The following JAM3 variants were observed in gnomAD, a reference collection of about 807,000 sequenced individuals.
JAM3 encodes the protein junctional adhesion molecule C.
Under a neutral mutation model 39.4 loss-of-function variants are expected in JAM3, and 31 were observed. The ratio of observed to expected loss-of-function variants is 0.79; its 90% CI spans 0.59 to 1.06. The LOEUF is 1.06. Ranked by LOEUF, JAM3 falls within the 50% of genes least tolerant of loss-of-function variation. JAM3 has a pLI of 0.00. For synonymous variants in JAM3, 182 were observed against 148.7 expected (o/e 1.22, Z -1.63); for missense variants, 455 against 391.4 (o/e 1.16, Z -1.37).
In JAM3 at chr11:134,145,006, T is replaced by G; in HGVS notation, c.612+12T>G. 1 of 1,595,582 alleles carries G rather than the reference T, an allele frequency of 6.3e-7. No homozygotes were observed. The highest frequency in any genetic ancestry group is 8.6e-7 in the Non-Finnish European group (1 of 1,163,016). On this transcript the variant is annotated intron_variant, in intron 5 of 8. Coordinates refer to ENST00000299106, the MANE Select transcript of JAM3 (RefSeq NM_032801.5). ...AAACAGGCACTTTGGTAAGATCTCT[T>G]CTAAGAGGTGAGGATGGAGATGTCT... is the stretch of plus-strand genomic sequence containing the variant.
intron 3 of JAM3, among the ~76,000 whole-genome samples, chr11:134,143,252 G>C (rs117678455): frequency 4.6e-5 from 7 of 152,148 alleles, no homozygotes; most frequent in Non-Finnish European, 8.8e-5. Flanking sequence ...ACTTGTTATT[G>C]TCTGACTTGT....
intron 1 of JAM3, among the ~76,000 whole-genome samples, chr11:134,102,634 G>A (rs1394624091): frequency 6.6e-6 from 1 of 152,124 alleles, no homozygotes; most frequent in Non-Finnish European, 1.5e-5. Context: ...TAGACAAATG[G>A]CTAACTAGAG....
intron 2 of JAM3, 52 bp downstream of exon 2, chr11:134,139,968 G>C (rs1293850818): frequency 7.2e-7 from 1 of 1,380,698 alleles, no homozygotes; most frequent in South Asian, 1.2e-5. Context: ...CTGGACATTT[G>C]ATGTCTTGCA....
chr11:134,124,286 C>A, intron 1 of JAM3: 1 of 910,156 alleles, frequency 1.1e-6, no homozygotes, highest in Non-Finnish European at 1.8e-6. Context: ...CAAGAAAACG[C>A]ATGTTCTCAC....
At position 134,076,833 on chromosome 11, in the gene JAM3, C is replaced by CTTTTTTTTTTTTTTTTTTTTTTT. The variant is rs71038556; in HGVS notation, c.76+7694_76+7695insTTTTTTTTTTTTTTTTTTTTTTT. Among the ~76,000 whole-genome samples the CTTTTTTTTTTTTTTTTTTTTTTT allele has an allele frequency of 1.7e-5, 2 of 118,532 alleles. 1 individual carries two copies. The allele number at this position is 118,532 out of a possible 152,430, so 77.8% of individuals were successfully genotyped here. A position where few individuals can be genotyped will look rare whatever the true frequency, so the allele number is the denominator to read the frequency against. On this transcript the variant is annotated intron_variant, in intron 1 of 8. Transcript: ENST00000299106. ...TTTGCAATCTCACTAACATCTATTG[C>CTTTTTTTTTTTTTTTTTTTTTTT]TTTTTTTTTTTTTTTTTTTTGAGAT...
intron 1 of JAM3, among the ~76,000 whole-genome samples, chr11:134,082,606 C>T (rs755974459): frequency 3.9e-5 from 6 of 152,104 alleles, no homozygotes; most frequent in East Asian, 1.9e-4. Context: ...TGTCTGCCGC[C>T]GTGTGAGATA....
chr11:134,121,307 A>G (rs987012591), intron 1 of JAM3, among the ~76,000 whole-genome samples: 6 of 152,384 alleles, frequency 3.9e-5, no homozygotes, highest in African/African-American at 1.2e-4. Context: ...TGTTGTCCAC[A>G]GCTGCTAAAA....
rs757114111 is a variant in JAM3 at position 134,144,849 on chromosome 11, C to G, written c.467C>G (p.Ala156Gly). ...VPKAVPVGKMATLHCQESEGH... is the reference protein window; with the variant it reads ...VPKAVPVGKMGTLHCQESEGH... The stretch of plus-strand genomic sequence containing the variant: ...AAGGCTGTACCAGTAGGCAAGATGG[C>G]AACACTGCACTGCCAGGAGAGTGAG... Residue 156 changes from alanine to glycine, a missense_variant, in exon 5 of 9, where the codon GCA becomes GGA. Transcript: ENST00000299106. 4 of 1,614,208 alleles carry G rather than the reference C, an allele frequency of 2.5e-6. No homozygotes were observed. Among genetic ancestry groups the G allele is most frequent in the Non-Finnish European group, 3.4e-6 (4 of 1,180,042 alleles).
chr11:134,144,311 C>T lies in JAM3; in HGVS notation c.327C>T (p.Asp109=). 2 of 1,614,174 alleles carry T rather than the reference C, an allele frequency of 1.2e-6. No individual in the cohort carries two copies. The highest frequency in any genetic ancestry group is 1.7e-6 in the Non-Finnish European group (2 of 1,180,010). Residue 109 remains aspartate, a synonymous_variant, in exon 4 of 9, where the codon GAC becomes GAT. Coordinates refer to ENST00000299106, the MANE Select transcript of JAM3 (RefSeq NM_032801.5). ...AGATCTGGAATGTGACACGGAGAGACTCAGCCCTTTATCGCTGTGAGGTCG... is the reference window on the plus strand; with the variant it reads ...AGATCTGGAATGTGACACGGAGAGATTCAGCCCTTTATCGCTGTGAGGTCG... ...SLKIWNVTRR[D]SALYRCEVVA...
chr11:134,122,315 C>T (rs1174383613), intron 1 of JAM3, among the ~76,000 whole-genome samples: 1 of 152,168 alleles, frequency 6.6e-6, no homozygotes, highest in Non-Finnish European at 1.5e-5. Flanking sequence ...AGCCTGTATT[C>T]AGAGCCTTAG....
chr11:134,090,712 A>G (rs1339668998), intron 1 of JAM3, among the ~76,000 whole-genome samples: 2 of 152,210 alleles, frequency 1.3e-5, no homozygotes, highest in African/African-American at 4.8e-5. Context: ...GCCATGTAAC[A>G]AAGTTGTCTA....
chr11:134,076,468 T>C (rs375188120), intron 1 of JAM3, among the ~76,000 whole-genome samples: 2 of 152,154 alleles, frequency 1.3e-5, no homozygotes, highest in Non-Finnish European at 2.9e-5. Flanking sequence ...CCTTTTCAAA[T>C]TTTTAAAACA....
intron 1 of JAM3, among the ~76,000 whole-genome samples, chr11:134,115,007 A>G (rs548664115): frequency 6.6e-6 from 1 of 152,184 alleles, no homozygotes; most frequent in African/African-American, 2.4e-5. Context: ...TTTTTGCATA[A>G]TATATTTTGA....
intron 1 of JAM3, among the ~76,000 whole-genome samples, chr11:134,074,474 G>T (rs568534091): frequency 4.6e-5 from 7 of 152,312 alleles, no homozygotes; most frequent in African/African-American, 1.7e-4. Flanking sequence ...AGCCACATTG[G>T]ATGAAGGAGT....
Position 134,144,940 on chromosome 11 carries a change from C to T in JAM3, c.558C>T (p.Ala186=). The T allele has an allele frequency of 6.2e-7, 1 of 1,614,226 alleles. No homozygotes were observed. Residue 186 remains alanine, a synonymous_variant, in exon 5 of 9, where the codon GCC becomes GCT. Coordinates refer to ENST00000299106, the MANE Select transcript of JAM3 (RefSeq NM_032801.5). ...NDVPLPTDSR[A]NPRFRNSSFH... ...TACCACTGCCCACGGATTCCAGAGCCAATCCCAGATTTCGCAATTCTTCTT... is the reference window on the plus strand; with the variant it reads ...TACCACTGCCCACGGATTCCAGAGCTAATCCCAGATTTCGCAATTCTTCTT...
At chr11:134,148,963 C>A (rs1943133149) in intron 8 of JAM3, 145 bp downstream of exon 8, 3 of 662,402 alleles carry the variant, frequency 4.5e-6, no homozygotes, top group South Asian at 4.2e-5. Context: ...GTAACACACA[C>A]ACACACACAC....
intron 1 of JAM3, among the ~76,000 whole-genome samples, chr11:134,117,172 G>A (rs1942451148): frequency 6.6e-6 from 1 of 152,032 alleles, no homozygotes; most frequent in African/African-American, 2.4e-5. Context: ...GACCAGCCTG[G>A]CTGAGATGGT....
chr11:134,127,266 TCTGA>T (rs748982213), intron 1 of JAM3, among the ~76,000 whole-genome samples: 11 of 152,368 alleles, frequency 7.2e-5, no homozygotes, highest in Middle Eastern at 3.4e-3. Flanking sequence ...TACCACTTGC[TCTGA>T]CTGTCTTGAA....
At chr11:134,115,084 C>T (rs538150159) in intron 1 of JAM3, among the ~76,000 whole-genome samples, 65 of 152,186 alleles carry the variant, frequency 4.3e-4, no homozygotes, top group African/African-American at 1.5e-3. Flanking sequence ...ACCTCTTTAT[C>T]GATTTTTAAA....
Sources: gnomAD v4.1 joint callset for allele counts (sites outside exome capture counted in the v4.1 genomes callset) on GRCh38, gnomAD v4.1.1 for gene constraint, MANE v1.5 for transcripts, NCBI Gene and HGNC (gene_info 2026-07-23, HGNC 2026-07-21) for gene names.